Variants in ZFAT observed in about 807,000 individuals in gnomAD.
ZFAT encodes the protein zinc finger and AT-hook domain containing, also known as zinc finger protein ZFAT.
A neutral mutation model predicts 117.7 loss-of-function variants in ZFAT; 64 were observed. That is an observed-to-expected ratio of 0.54 (90% CI 0.44 to 0.67). ZFAT has a LOEUF of 0.67. Ranked by LOEUF, ZFAT falls within the 30% of genes least tolerant of loss-of-function variation. The pLI, the probability that ZFAT is intolerant of heterozygous loss-of-function variation, is 0.00. For synonymous variants in ZFAT, 679 were observed against 615.0 expected, an observed-to-expected ratio of 1.10 and a Z score of -1.54; for missense variants, 1,433 against 1,584.5, an observed-to-expected ratio of 0.90 and a Z score of 1.62.
chr8:134,555,130 G>A (rs1243518560), intron 11 of ZFAT, among the ~76,000 whole-genome samples: 1 of 152,196 alleles, frequency 6.6e-6, no homozygotes, highest in Non-Finnish European at 1.5e-5. Flanking sequence ...GGGAAACCAG[G>A]TGCGAGCTGC....
intron 3 of ZFAT, among the ~76,000 whole-genome samples, chr8:134,611,920 T>C (rs1001454253): frequency 7.4e-6 from 1 of 134,394 alleles, no homozygotes; most frequent in Non-Finnish European, 1.6e-5. Context: ...AAAGAACAGC[T>C]AATTCCACAT....
chr8:134,478,373 C>G lies in ZFAT; in HGVS notation c.*109G>C. 1.4e-6 allele frequency: 2 copies of G among 1,454,848 alleles called. No homozygotes were observed. Among genetic ancestry groups the G allele is most frequent in the Non-Finnish European group, 1.8e-6 (2 of 1,096,920 alleles). 90.1% of individuals were successfully genotyped at this position (1,454,848 alleles called of 1,614,324 possible). On this transcript the variant is annotated 3_prime_UTR_variant, in exon 16 of 16. Coordinates refer to ENST00000377838, the MANE Select transcript of ZFAT (RefSeq NM_020863.4). The surrounding 1 kb of genome is among the most constrained non-coding windows in gnomAD (Gnocchi z 5.2). Reference sequence around the variant, plus strand: ...CTATCAGGCTGCTGGGCAGGGAGGGCAAAGGAGAGCACCATTCTGCGGGTA... The same window carrying G: ...CTATCAGGCTGCTGGGCAGGGAGGGGAAAGGAGAGCACCATTCTGCGGGTA...
At chr8:134,512,327 G>A (rs1314227388) in intron 14 of ZFAT, 148 bp downstream of exon 14, 37 of 1,182,046 alleles carry the variant, frequency 3.1e-5, no homozygotes, top group Non-Finnish European at 4.1e-5. Context: ...CTGGGGGCTG[G>A]CAATGGGGCT....
chr8:134,793,339 G>C, the ZFAT span: 8 of 152,278 alleles, frequency 5.3e-5, no homozygotes, highest in Admixed American at 3.3e-4. Context: ...AACTACCTTG[G>C]AGTTCCAAGA....
the ZFAT span, among the ~76,000 whole-genome samples, chr8:134,803,765 G>A: frequency 6.6e-6 from 1 of 152,124 alleles, no homozygotes; most frequent in Non-Finnish European, 1.5e-5. Flanking sequence ...TACATGCAAG[G>A]TGCTTTACTT....
At chr8:134,819,496 A>ACCCCCCCACCCCC in the ZFAT span, among the ~76,000 whole-genome samples, 1 of 39,334 alleles carries the variant, frequency 2.5e-5, no homozygotes, top group Non-Finnish European at 4.7e-5. Context: ...CGGATTTACC[A>ACCCCCCCACCCCC]CCCCCCCCCC....
At chr8:134,796,242 C>T in the ZFAT span, 7 of 152,344 alleles carry the variant, frequency 4.6e-5, no homozygotes, top group South Asian at 1.4e-3. Context: ...GGAGGGGGAC[C>T]TCTAGCCAGT....
At chr8:134,569,987 C>A in intron 10 of ZFAT, among the ~76,000 whole-genome samples, 1 of 152,178 alleles carries the variant, frequency 6.6e-6, no homozygotes, top group East Asian at 1.9e-4. Flanking sequence ...TCACCTCCAC[C>A]CAGAGCAAAA....
chr8:134,696,213 C>T (rs574349845), intron 1 of ZFAT, among the ~76,000 whole-genome samples: 37 of 152,302 alleles, frequency 2.4e-4, no homozygotes, highest in Admixed American at 2.1e-3. Flanking sequence ...CACCGCCAGG[C>T]GCGGACCATC....
chr8:134,658,149 A>G (rs894923473), intron 1 of ZFAT, among the ~76,000 whole-genome samples: 2 of 152,198 alleles, frequency 1.3e-5, no homozygotes, highest in African/African-American at 4.8e-5. Flanking sequence ...CATCCTGGCT[A>G]ACATGGTGAA....
chr8:134,782,028 G>A, the ZFAT span, among the ~76,000 whole-genome samples: 2 of 152,172 alleles, frequency 1.3e-5, no homozygotes, highest in African/African-American at 4.8e-5. Flanking sequence ...TTCAGGGGGT[G>A]GCAGGGTGGG....
intron 3 of ZFAT, among the ~76,000 whole-genome samples, chr8:134,618,850 T>G (rs1214520230): frequency 6.6e-6 from 1 of 152,224 alleles, no homozygotes; most frequent in Non-Finnish European, 1.5e-5. Context: ...GTCAGCACTG[T>G]TCTAGCATTT....
At chr8:134,552,543 G>T (rs4909482) in intron 11 of ZFAT, among the ~76,000 whole-genome samples, 52,472 of 152,068 alleles carry the variant, frequency 0.35, 9,365 homozygotes, top group East Asian at 0.67. Flanking sequence ...CATTTTTGAA[G>T]ATTCAATTGC....
At chr8:134,578,957 C>T (rs573205677) in intron 10 of ZFAT, among the ~76,000 whole-genome samples, 17 of 152,108 alleles carry the variant, frequency 1.1e-4, no homozygotes, top group African/African-American at 3.4e-4. Context: ...GCTTTTGTAC[C>T]GAAGTCTGGC....
chr8:134,558,437 AG>A (rs1376441260), intron 11 of ZFAT, among the ~76,000 whole-genome samples: 1 of 152,252 alleles, frequency 6.6e-6, no homozygotes, highest in Admixed American at 6.5e-5. Flanking sequence ...AAAAAGGTAA[AG>A]GAATTCCCAA....
chr8:134,773,984 A>ATTTG, the ZFAT span, among the ~76,000 whole-genome samples: 1 of 103,300 alleles, frequency 9.7e-6, no homozygotes, highest in African/African-American at 3.9e-5. Context: ...TTGAGGATTA[A>ATTTG]TTTTTTTTTT....
At chr8:134,711,502 G>T (rs549378941) in intron 1 of ZFAT, among the ~76,000 whole-genome samples, 2 of 152,294 alleles carry the variant, frequency 1.3e-5, no homozygotes, top group East Asian at 3.9e-4. Context: ...CGCACCTGTG[G>T]TCACAGCTAC....
At position 134,637,813 on chromosome 8, in the gene ZFAT, C is replaced by T. The variant is rs1001062929; in HGVS notation, c.197-101G>A. 1.2e-5 allele frequency: 17 copies of T among 1,476,060 alleles called. No individual in the cohort carries two copies. In the African/African-American group the frequency reaches 1.8e-4, roughly 16 times the overall value. 91.4% of individuals were successfully genotyped at this position (1,476,060 alleles called of 1,614,324 possible). A position where few individuals can be genotyped will look rare whatever the true frequency, so the allele number is the denominator to read the frequency against. On this transcript the variant is annotated intron_variant, in intron 2 of 15. Coordinates refer to ENST00000377838, the MANE Select transcript of ZFAT (RefSeq NM_020863.4). ...GAGGATATGTTCAGGTTTCACGTTTCATTAAAAATGAAAAGTCTAAAGTGA... is the reference window on the plus strand; with the variant it reads ...GAGGATATGTTCAGGTTTCACGTTTTATTAAAAATGAAAAGTCTAAAGTGA...
At chr8:134,711,108 T>C (rs1026865005) in intron 1 of ZFAT, among the ~76,000 whole-genome samples, 4 of 152,232 alleles carry the variant, frequency 2.6e-5, no homozygotes, top group African/African-American at 7.2e-5. Flanking sequence ...GCATCGTCTT[T>C]ACAGTTGTGC....
Sources: gnomAD v4.1 joint callset for allele counts (sites outside exome capture counted in the v4.1 genomes callset) on GRCh38, gnomAD v4.1.1 for gene constraint, Gnocchi (gnomAD v3.1) non-coding constraint, MANE v1.5 for transcripts, NCBI Gene and HGNC (gene_info 2026-07-23, HGNC 2026-07-21) for gene names.